The following SLMAP variants were observed in gnomAD, a reference collection of about 807,000 sequenced individuals.
SLMAP encodes the protein sarcolemma associated protein, also known as sarcolemmal membrane-associated protein.
SLMAP carries 44 observed loss-of-function variants against 128.8 expected under a neutral mutation model. The observed-to-expected ratio is 0.34, with a 90% CI of 0.27 to 0.44. The LOEUF (loss-of-function observed/expected upper bound fraction) is 0.44. SLMAP is among the 20% of genes least tolerant of loss of function. The probability of loss-of-function intolerance (pLI) is 1.00; values close to 1 mark genes in which losing one functional copy is unlikely to be tolerated. For synonymous variants in SLMAP, 327 were observed against 348.8 expected, an observed-to-expected ratio of 0.94 and a Z score of 0.70; for missense variants, 787 against 985.3, an observed-to-expected ratio of 0.80 and a Z score of 2.69.
At chr3:57,835,121 CAAAAAAAAAAAA>C (rs60166193) in intron 3 of SLMAP, among the ~76,000 whole-genome samples, 1 of 37,652 alleles carries the variant, frequency 2.7e-5, no homozygotes, top group African/African-American at 1.2e-4. Context: ...GACCCTGTCT[CAAAAAAAAAAAA>C]AAAAAAAAAA....
At chr3:57,814,939 G>C (rs1324328141) in intron 2 of SLMAP, among the ~76,000 whole-genome samples, 1 of 152,176 alleles carries the variant, frequency 6.6e-6, no homozygotes, top group Non-Finnish European at 1.5e-5. Flanking sequence ...AGTGAGCTGT[G>C]ATTGCCTACT....
At chr3:57,823,117 G>T (rs1476084074) in intron 2 of SLMAP, among the ~76,000 whole-genome samples, 1 of 151,678 alleles carries the variant, frequency 6.6e-6, no homozygotes, top group Non-Finnish European at 1.5e-5. Context: ...GCCCATTGCT[G>T]GGGGGAAAAA....
chr3:57,819,684 C>T (rs1359270421), intron 2 of SLMAP, among the ~76,000 whole-genome samples: 1 of 152,048 alleles, frequency 6.6e-6, no homozygotes, highest in Non-Finnish European at 1.5e-5. Context: ...TTCTTTTTTT[C>T]CCACAAATGT....
At chr3:57,906,310 C>CTTTTTTTCTTTTTTTTTT (rs2096550075) in intron 17 of SLMAP, among the ~76,000 whole-genome samples, 1 of 47,046 alleles carries the variant, frequency 2.1e-5, no homozygotes. Context: ...CTTTTTTTTT[C>CTTTTTTTCTTTTTTTTTT]TTTTTTTTTT....
intron 2 of SLMAP, among the ~76,000 whole-genome samples, chr3:57,823,440 A>G (rs942614517): frequency 4.6e-5 from 7 of 151,790 alleles, no homozygotes; most frequent in Non-Finnish European, 7.4e-5. Flanking sequence ...TCATTGTTCA[A>G]TTCCCACCTA....
chr3:57,810,810 C>T (rs978156312), intron 2 of SLMAP, among the ~76,000 whole-genome samples: 7 of 152,196 alleles, frequency 4.6e-5, no homozygotes, highest in African/African-American at 1.2e-4. Flanking sequence ...ATATCACTTT[C>T]TCTTGGTTCT....
intron 13 of SLMAP, among the ~76,000 whole-genome samples, chr3:57,870,829 T>C (rs950325229): frequency 5.3e-5 from 8 of 152,232 alleles, no homozygotes; most frequent in Non-Finnish European, 1.0e-4. Flanking sequence ...ACTTCCAAAA[T>C]AGATTTGGTC....
chr3:57,925,662 CA>C (rs2096994295), intron 23 of SLMAP, among the ~76,000 whole-genome samples, 182 bp from the exon 24 acceptor site: 1 of 152,178 alleles, frequency 6.6e-6, no homozygotes, highest in Admixed American at 6.5e-5. Flanking sequence ...TCCCAACTTG[CA>C]TACCACAGTC....
chr3:57,910,248 G>T (rs938203799), intron 19 of SLMAP, among the ~76,000 whole-genome samples: 4 of 152,124 alleles, frequency 2.6e-5, no homozygotes, highest in African/African-American at 9.7e-5. Flanking sequence ...CTGGAGTGCA[G>T]TGGTGATCTT....
chr3:57,916,807 T>C (rs1383467447), intron 21 of SLMAP, 99 bp from the exon 22 acceptor site: 5 of 885,608 alleles, frequency 5.6e-6, no homozygotes, highest in Non-Finnish European at 6.9e-6. Flanking sequence ...TTCTCTGAAA[T>C]CCACTCTATC....
intron 24 of SLMAP, 140 bp downstream of exon 24, chr3:57,926,074 T>C (rs2097002435): frequency 1.5e-6 from 1 of 654,330 alleles, no homozygotes; most frequent in Non-Finnish European, 2.8e-6. Context: ...CGTGTATTTG[T>C]GTCATACCAA....
At chr3:57,866,968 T>C (rs916427761) in intron 13 of SLMAP, among the ~76,000 whole-genome samples, 1 of 151,910 alleles carries the variant, frequency 6.6e-6, no homozygotes, top group Non-Finnish European at 1.5e-5. Context: ...AGGTCAGTAG[T>C]TGAAGACCAC....
At chr3:57,831,857 T>A (rs1399267915) in intron 3 of SLMAP, among the ~76,000 whole-genome samples, 1 of 152,100 alleles carries the variant, frequency 6.6e-6, no homozygotes, top group Non-Finnish European at 1.5e-5. Flanking sequence ...GGCAGATAGG[T>A]TCATTTGTTC....
intron 2 of SLMAP, among the ~76,000 whole-genome samples, chr3:57,784,331 C>G (rs991694201): frequency 6.6e-6 from 1 of 152,280 alleles, no homozygotes; most frequent in East Asian, 1.9e-4. Context: ...TGAGCCCAAC[C>G]TTTCCCCAGT....
At position 57,865,506 on chromosome 3, in the gene SLMAP, A is replaced by G. The variant is rs187169483; in HGVS notation, c.1237+214A>G. Among the ~76,000 whole-genome samples the G allele has an allele frequency of 5.5e-4, 84 of 152,252 alleles. 2 individuals carry two copies. The highest frequency in any genetic ancestry group is 3.7e-3 in the South Asian group (18 of 4,826). ...TATCCCTTGTTATATGGAAATTTCA[A>G]TTACTCAAATCAGAAAATTATTAAG... On this transcript the variant is annotated intron_variant, in intron 13 of 24. Coordinates refer to ENST00000671191, the MANE Select transcript of SLMAP (RefSeq NM_001377540.1).
intron 2 of SLMAP, among the ~76,000 whole-genome samples, chr3:57,797,611 G>A (rs2087089937): frequency 6.6e-6 from 1 of 151,862 alleles, no homozygotes; most frequent in East Asian, 1.9e-4. Context: ...ATTTTCTTCT[G>A]TACTTTATTA....
At chr3:57,766,796 C>T (rs976719811) in intron 2 of SLMAP, among the ~76,000 whole-genome samples, 4 of 152,246 alleles carry the variant, frequency 2.6e-5, no homozygotes, top group African/African-American at 9.6e-5. Flanking sequence ...CTTGTCATCC[C>T]TTAAGGCTCA....
intron 6 of SLMAP, among the ~76,000 whole-genome samples, chr3:57,851,386 G>A (rs2094494000): frequency 6.7e-6 from 1 of 149,824 alleles, no homozygotes; most frequent in Non-Finnish European, 1.5e-5. Context: ...TGTGGGTTTG[G>A]GCTAGATTAT....
chr3:57,810,703 C>T (rs2090814737), intron 2 of SLMAP, among the ~76,000 whole-genome samples: 1 of 152,194 alleles, frequency 6.6e-6, no homozygotes, highest in African/African-American at 2.4e-5. Flanking sequence ...TTCCAGTGGT[C>T]AGCGTTTGTC....
Sources: allele counts gnomAD v4.1 joint callset (sites outside exome capture counted in the v4.1 genomes callset), GRCh38; gene constraint gnomAD v4.1.1; transcripts MANE v1.5; gene names NCBI Gene and HGNC (gene_info 2026-07-23, HGNC 2026-07-21).